The following AP5M1 variants were observed in gnomAD, a reference collection of about 807,000 sequenced individuals.
The protein encoded by AP5M1 is adaptor related protein complex 5 subunit mu 1, also known as AP-5 complex subunit mu-1.
In AP5M1, 44 loss-of-function variants were observed where a neutral mutation model predicts 52.3. The observed-to-expected ratio is 0.84, with a 90% CI of 0.66 to 1.08. The LOEUF (loss-of-function observed/expected upper bound fraction) is 1.08, where lower values mean the gene tolerates loss of function less well. AP5M1 is among the 50% of genes least tolerant of loss of function. The pLI, the probability that AP5M1 is intolerant of heterozygous loss-of-function variation, is 0.00. For synonymous variants in AP5M1, 213 were observed against 199.0 expected (o/e 1.07, Z -0.59); for missense variants, 526 against 568.4 (o/e 0.93, Z 0.76).
chr14:57,282,112 T>A lies in AP5M1; in HGVS notation c.972T>A (p.Gly324=). The A allele has an allele frequency of 6.3e-7, 1 of 1,575,430 alleles. No homozygotes were observed. Among genetic ancestry groups the A allele is most frequent in the Non-Finnish European group, 8.6e-7 (1 of 1,166,278 alleles). ...AGGTCCCTGTCCCACCAATTTTGGG[T>A]TTTTATCAAATGAAGGAGGAAGAAG... The part of the protein sequence containing the change: ...TSQVPVPPIL[G]FYQMKEEEVQ... Residue 324 remains glycine, a synonymous_variant, in exon 4 of 8, where the codon GGT becomes GGA. Transcript: ENST00000261558.
chr14:57,295,790 T>G lies in AP5M1; in HGVS notation c.*6906T>G, dbSNP rs1885539425. 1 of 151,704 alleles carries G rather than the reference T, an allele frequency of 6.6e-6. No individual in the cohort carries two copies. The highest frequency in any genetic ancestry group is 6.6e-5 in the Admixed American group (1 of 15,164). 9.4% of individuals were successfully genotyped at this position (151,704 alleles called of 1,614,324 possible). On this transcript the variant is annotated 3_prime_UTR_variant, in exon 8 of 8. Transcript: ENST00000261558. ...TCCAGTTACTTCCAGATGCTTTATG[T>G]AACTTTCCTCCCAGAAGCTGCAATA...
intron 1 of AP5M1, among the ~76,000 whole-genome samples, chr14:57,270,716 C>T (rs1884872254): frequency 6.6e-6 from 1 of 152,174 alleles, no homozygotes; most frequent in Admixed American, 6.5e-5. Context: ...CCTTTGGTTA[C>T]CTATTTCTAA....
At chr14:57,285,496 C>A (rs1189903) in intron 6 of AP5M1, among the ~76,000 whole-genome samples, 36,436 of 151,652 alleles carry the variant, frequency 0.24, 10,693 homozygotes, top group African/African-American at 0.7. Context: ...CAAAAAAGCA[C>A]GCAACAGCCT....
Position 57,274,506 on chromosome 14 carries a change from G to A in AP5M1, c.337G>A (p.Glu113Lys), listed in dbSNP as rs759908714. Residue 113 changes from glutamate to lysine, a missense_variant, in exon 2 of 8, where the codon GAA (glutamate) becomes AAA (lysine). Physicochemically the swap from Glu to Lys is moderately conservative, Grantham distance 56. Transcript: ENST00000261558. ...GATATATGCTTGTGTTCCACTAGTT[G>A]AACAAACTCTGTCCCCTCGTCCGCC... ...DMIYACVPLV[E>K]QTLSPRPPLI... 2 of 1,614,148 alleles carry A rather than the reference G, an allele frequency of 1.2e-6. No individual in the cohort carries two copies. Among genetic ancestry groups the A allele is most frequent in the African/African-American group, 1.3e-5 (1 of 75,028 alleles).
At chr14:57,282,698 G>A (rs572286984) in intron 4 of AP5M1, among the ~76,000 whole-genome samples, 1 of 152,260 alleles carries the variant, frequency 6.6e-6, no homozygotes, top group South Asian at 2.1e-4. Flanking sequence ...CATTTCGTAT[G>A]ATTTCATAGT....
At position 57,283,129 on chromosome 14, in the gene AP5M1, T is replaced by C; in HGVS notation, c.1192T>C (p.Ser398Pro). 1 of 1,612,448 alleles carries C rather than the reference T, an allele frequency of 6.2e-7. No individual in the cohort carries two copies. The highest frequency in any genetic ancestry group is 2.2e-5 in the East Asian group (1 of 44,826). Residue 398 changes from serine (S) to proline (P), a missense_variant, in exon 6 of 8, where the codon TCA becomes CCA. Physicochemically the swap from Ser to Pro is moderately conservative, Grantham distance 74. This residue lies in a region of AP5M1 where 97 missense variants were observed against 121.3 expected (regional missense o/e 0.80). Coordinates refer to ENST00000261558, the MANE Select transcript of AP5M1 (RefSeq NM_018229.4). ...IWIIGQKFPK[S>P]MEISLSGTVT... ...TGTTTTAGGCCAGAAGTTCCCAAAATCAATGGAAATTAGTCTTTCTGGAAC... is the reference window on the plus strand; with the variant it reads ...TGTTTTAGGCCAGAAGTTCCCAAAACCAATGGAAATTAGTCTTTCTGGAAC...
chr14:57,283,860 C>T (rs553803143), intron 6 of AP5M1, among the ~76,000 whole-genome samples: 5 of 152,134 alleles, frequency 3.3e-5, no homozygotes, highest in Non-Finnish European at 5.9e-5. Flanking sequence ...GTGGTGCACA[C>T]CTTTAGTCAC....
chr14:57,269,621 T>A (rs1379555295), intron 1 of AP5M1, among the ~76,000 whole-genome samples: 1 of 152,136 alleles, frequency 6.6e-6, no homozygotes, highest in Non-Finnish European at 1.5e-5. Context: ...ATGTTTTCTA[T>A]TAGTATTGTG....
At chr14:57,286,504 GT>G (rs926112678) in intron 7 of AP5M1, 185 bp downstream of exon 7, 63 of 491,634 alleles carry the variant, frequency 1.3e-4, no homozygotes, top group Admixed American at 5.2e-4. Flanking sequence ...CCGCCTTCTT[GT>G]TTATAAAGTG....
intron 4 of AP5M1, among the ~76,000 whole-genome samples, chr14:57,282,620 TG>T (rs376308573): frequency 3.9e-5 from 6 of 152,342 alleles, no homozygotes; most frequent in African/African-American, 1.4e-4. Context: ...CATAGTTTTT[TG>T]TCAAAATATA....
rs769559210 is a variant in AP5M1 at position 57,274,842 on chromosome 14, CAG to C, written c.674_675del (p.Gln225ArgfsTer17). The C allele has an allele frequency of 5.6e-6, 9 of 1,614,024 alleles. No homozygotes were observed. Among genetic ancestry groups the C allele is most frequent in the Admixed American group, 3.3e-5 (2 of 59,994 alleles). ...EKVKSMQYDK[Q>X]GIADTWQVVG... is the part of the protein sequence containing the mutation. ...GGTAAAATCCATGCAATATGATAAA[CAG>C]GGTATAGCAGATACATGGCAAGTTG... On this transcript the variant is annotated frameshift_variant, in exon 2 of 8. Coordinates refer to ENST00000261558, the MANE Select transcript of AP5M1 (RefSeq NM_018229.4). LOFTEE classifies it high-confidence loss of function.
At chr14:57,273,706 T>G (rs1400930455) in intron 1 of AP5M1, 1 of 702,146 alleles carries the variant, frequency 1.4e-6, no homozygotes, top group Non-Finnish European at 2.6e-6. Flanking sequence ...CATGTTTTTG[T>G]AGGGATTGGC....
At chr14:57,288,346 A>G (rs1326218316) in intron 7 of AP5M1, among the ~76,000 whole-genome samples, 1 of 152,096 alleles carries the variant, frequency 6.6e-6, no homozygotes, top group Non-Finnish European at 1.5e-5. Flanking sequence ...ATAATAAGAA[A>G]CCAGTGAAGC....
chr14:57,283,249 C>A lies in AP5M1; in HGVS notation c.1293+19C>A. ...TTTAAAGGTAAACATATTTATACAGCTCACTACAGTAGCACCCTTCCTTTG... is the reference window on the plus strand; with the variant it reads ...TTTAAAGGTAAACATATTTATACAGATCACTACAGTAGCACCCTTCCTTTG... On this transcript the variant is annotated intron_variant, in intron 6 of 7. Transcript: ENST00000261558. 1 of 1,395,572 alleles carries A rather than the reference C, an allele frequency of 7.2e-7. No individual in the cohort carries two copies. The highest frequency in any genetic ancestry group is 1.0e-6 in the Non-Finnish European group (1 of 990,652). 86.4% of individuals were successfully genotyped at this position (1,395,572 alleles called of 1,614,324 possible). A position where few individuals can be genotyped will look rare whatever the true frequency, so the allele number is the denominator to read the frequency against.
intron 1 of AP5M1, among the ~76,000 whole-genome samples, chr14:57,272,723 C>T (rs1164423169): frequency 6.6e-6 from 1 of 152,106 alleles, no homozygotes; most frequent in Non-Finnish European, 1.5e-5. Flanking sequence ...GTCCAGAGAT[C>T]TCTACTATTC....
intron 1 of AP5M1, among the ~76,000 whole-genome samples, chr14:57,269,639 A>G (rs559719524): frequency 6.6e-6 from 1 of 152,338 alleles, no homozygotes; most frequent in East Asian, 1.9e-4. Context: ...GTGTTTTAAA[A>G]TGACCTCCGT....
In AP5M1 at chr14:57,294,505, A is replaced by G. The variant is rs1885509112; in HGVS notation, c.*5621A>G. 1 of 151,918 alleles carries G rather than the reference A, an allele frequency of 6.6e-6. No homozygotes were observed. Among genetic ancestry groups the G allele is most frequent in the Admixed American group, 6.6e-5 (1 of 15,220 alleles). The allele number at this position is 151,918 out of a possible 1,614,324, so 9.4% of individuals were successfully genotyped here. On this transcript the variant is annotated 3_prime_UTR_variant, in exon 8 of 8. Transcript: ENST00000261558. ...TGTGATTTTTCTCTTTCATACACAT[A>G]GCCTGCTTACACCCAATTTCAAAGA...
In AP5M1 at chr14:57,291,708, T is replaced by C. The variant is rs1415918620; in HGVS notation, c.*2824T>C. 1.3e-5 allele frequency: 2 copies of C among 151,898 alleles called. No individual in the cohort carries two copies. The highest frequency in any genetic ancestry group is 2.4e-5 in the African/African-American group (1 of 41,414). 9.4% of individuals were successfully genotyped at this position (151,898 alleles called of 1,614,324 possible). A position where few individuals can be genotyped will look rare whatever the true frequency, so the allele number is the denominator to read the frequency against. ...CAGTATTTCTACTAGGTTAAAATTA[T>C]GGTGTTTTTATACATTGTATGATTT... On this transcript the variant is annotated 3_prime_UTR_variant, in exon 8 of 8. Transcript: ENST00000261558.
Position 57,269,115 on chromosome 14 carries a change from GGT to G in AP5M1, c.-193_-192del, listed in dbSNP as rs1884806221. ...GGTTGGGGTTCTTAGAACTTTTTGTGGTGTGTGTTGGCCTAGAGCGACTCAGA... is the reference window on the plus strand; with the variant it reads ...GGTTGGGGTTCTTAGAACTTTTTGTGGTGTGTTGGCCTAGAGCGACTCAGA... On this transcript the variant is annotated 5_prime_UTR_variant, in exon 1 of 8. Coordinates refer to ENST00000261558, the MANE Select transcript of AP5M1 (RefSeq NM_018229.4). 1.7e-6 allele frequency: 1 copy of G among 589,906 alleles called. No homozygotes were observed. The highest frequency in any genetic ancestry group is 1.9e-5 in the African/African-American group (1 of 53,560). 36.5% of individuals were successfully genotyped at this position (589,906 alleles called of 1,614,324 possible).
Sources: allele counts gnomAD v4.1 joint callset (sites outside exome capture counted in the v4.1 genomes callset), GRCh38; gene constraint gnomAD v4.1.1; regional missense constraint gnomAD v4.1.1; transcripts MANE v1.5; gene names NCBI Gene and HGNC (gene_info 2026-07-23, HGNC 2026-07-21).